ADAMTSL1: variants seen among roughly 807,000 people sequenced by gnomAD.
ADAMTSL1 encodes the protein ADAMTS like 1, also known as ADAMTS-like protein 1.
In ADAMTSL1, 126 loss-of-function variants were observed where a neutral mutation model predicts 201.8. The ratio of observed to expected loss-of-function variants is 0.62; its 90% CI spans 0.54 to 0.72. The LOEUF (loss-of-function observed/expected upper bound fraction) is 0.72. Among genes scored for constraint, ADAMTSL1 ranks in the 30% least tolerant of loss-of-function variants. The probability of loss-of-function intolerance (pLI) is 0.00; values close to 1 mark genes in which losing one functional copy is unlikely to be tolerated. For synonymous variants in ADAMTSL1, 1,121 were observed against 903.4 expected, an observed-to-expected ratio of 1.24 and a Z score of -4.32; for missense variants, 2,679 against 2,277.8, an observed-to-expected ratio of 1.18 and a Z score of -3.59.
intron 1 of ADAMTSL1, among the ~76,000 whole-genome samples, chr9:17,909,486 T>C (rs1825851070): frequency 1.0e-5 from 1 of 97,306 alleles, no homozygotes; most frequent in Non-Finnish European, 2.5e-5. Context: ...TCATCTTGAA[T>C]TGATTTTCGT....
chr9:18,494,347 C>CAAAAAAAAAAAAA (rs141208426), intron 1 of ADAMTSL1, among the ~76,000 whole-genome samples: 1 of 80,474 alleles, frequency 1.2e-5, no homozygotes. Flanking sequence ...CAGACTGTCT[C>CAAAAAAAAAAAAA]AAAAAAAAAA....
At chr9:18,422,468 AT>A (rs11299018) in intron 2 of ADAMTSL1, among the ~76,000 whole-genome samples, 14,357 of 151,660 alleles carry the variant, frequency 0.095, 1,963 homozygotes, top group African/African-American at 0.3. Context: ...TTTGTCATGC[AT>A]TTTTTTTGAA....
At chr9:18,684,843 T>A in intron 13 of ADAMTSL1, 43 bp downstream of exon 13, 1 of 1,558,064 alleles carries the variant, frequency 6.4e-7, no homozygotes, top group Non-Finnish European at 8.7e-7. Flanking sequence ...TGAAACTGTT[T>A]TGTTTAAAGA....
At chr9:18,266,952 G>C (rs1443771376) in intron 2 of ADAMTSL1, among the ~76,000 whole-genome samples, 2 of 152,122 alleles carry the variant, frequency 1.3e-5, no homozygotes, top group African/African-American at 2.4e-5. Context: ...AACCTCTTCA[G>C]TTTCTCACCT....
intron 4 of ADAMTSL1, among the ~76,000 whole-genome samples, chr9:18,620,733 G>C (rs1825985203): frequency 6.6e-6 from 1 of 152,066 alleles, no homozygotes. Context: ...GAACCCATAG[G>C]GATAGAGCCC....
chr9:18,596,149 A>G (rs1399807819), intron 4 of ADAMTSL1, among the ~76,000 whole-genome samples: 1 of 152,202 alleles, frequency 6.6e-6, no homozygotes, highest in Non-Finnish European at 1.5e-5. Flanking sequence ...TCTGAAGCCT[A>G]AGTGGGTTCA....
At chr9:18,471,030 C>G (rs1350956541), upstream of ADAMTSL1, among the ~76,000 whole-genome samples, 2 of 152,288 alleles carry the variant, frequency 1.3e-5, no homozygotes, top group African/African-American at 2.4e-5. Flanking sequence ...TGGCCTTTCC[C>G]CGGTTGCCAT....
intron 23 of ADAMTSL1, among the ~76,000 whole-genome samples, chr9:18,867,598 C>A (rs986079297): frequency 1.3e-5 from 2 of 152,108 alleles, no homozygotes; most frequent in African/African-American, 2.4e-5. Flanking sequence ...CTCAATGATT[C>A]TTTTAGGTAA....
chr9:18,053,131 T>C (rs1586953234), intron 1 of ADAMTSL1, among the ~76,000 whole-genome samples: 3 of 152,122 alleles, frequency 2.0e-5, no homozygotes, highest in East Asian at 3.8e-4. Flanking sequence ...TGTGGGAAAA[T>C]GAGATCTTTG....
At chr9:17,962,622 GTT>G (rs755811379) in intron 1 of ADAMTSL1, among the ~76,000 whole-genome samples, 1 of 152,170 alleles carries the variant, frequency 6.6e-6, no homozygotes, top group Non-Finnish European at 1.5e-5. Flanking sequence ...TGTGCTTCAA[GTT>G]CAGAACTAGC....
intron 1 of ADAMTSL1, among the ~76,000 whole-genome samples, chr9:17,928,321 C>T (rs1364717479): frequency 1.3e-5 from 2 of 152,134 alleles, no homozygotes; most frequent in Non-Finnish European, 2.9e-5. Flanking sequence ...ACAAGAAAAG[C>T]AGCACCTGCC....
rs150363220 is a variant in ADAMTSL1, at chr9:18,520,580, G to A, written c.192-12667G>A. Among the ~76,000 whole-genome samples the A allele has an allele frequency of 2.4e-3, 369 of 152,256 alleles. 3 individuals are homozygous for A. Among genetic ancestry groups the A allele is most frequent in the African/African-American group, 8.1e-3 (337 of 41,542 alleles). On this transcript the variant is annotated intron_variant, in intron 2 of 28. Transcript: ENST00000380548. ...CAGTTTAAAATTGCTTTGAGAATGC[G>A]GCTTTAAGGCTGACTTTTCTTTTGG... is the stretch of plus-strand genomic sequence containing the variant.
chr9:17,941,863 C>A (rs1827252625), intron 1 of ADAMTSL1, among the ~76,000 whole-genome samples: 1 of 151,968 alleles, frequency 6.6e-6, no homozygotes, highest in Non-Finnish European at 1.5e-5. Context: ...GGGTCTACTC[C>A]CTGCTTCATA....
At chr9:18,567,955 G>A (rs1050669820) in intron 3 of ADAMTSL1, among the ~76,000 whole-genome samples, 3 of 152,154 alleles carry the variant, frequency 2.0e-5, no homozygotes, top group Non-Finnish European at 2.9e-5. Context: ...TAACTATGCA[G>A]TTATAACTCT....
chr9:18,617,940 G>C (rs1825804294), intron 4 of ADAMTSL1, among the ~76,000 whole-genome samples: 1 of 152,160 alleles, frequency 6.6e-6, no homozygotes, highest in African/African-American at 2.4e-5. Flanking sequence ...AAAATATTCA[G>C]TTTTCCACTG....
At chr9:18,691,058 G>T (rs750595675) in intron 13 of ADAMTSL1, among the ~76,000 whole-genome samples, 1 of 152,174 alleles carries the variant, frequency 6.6e-6, no homozygotes, top group Non-Finnish European at 1.5e-5. Flanking sequence ...GTTGAGTACT[G>T]GTTGTCTATC....
intron 3 of ADAMTSL1, among the ~76,000 whole-genome samples, chr9:18,549,059 G>A (rs946638741): frequency 6.6e-6 from 1 of 151,868 alleles, no homozygotes; most frequent in Non-Finnish European, 1.5e-5. Flanking sequence ...ATGAGAAGGG[G>A]CAGAATTCCA....
intron 2 of ADAMTSL1, among the ~76,000 whole-genome samples, chr9:18,427,234 A>G (rs1269831335): frequency 6.6e-6 from 1 of 152,240 alleles, no homozygotes; most frequent in Non-Finnish European, 1.5e-5. Flanking sequence ...ATTATCAGCT[A>G]TAGTTAGAAA....
chr9:18,728,574 A>T (rs1199684662), intron 15 of ADAMTSL1, among the ~76,000 whole-genome samples: 1 of 152,204 alleles, frequency 6.6e-6, no homozygotes, highest in Non-Finnish European at 1.5e-5. Context: ...CAGTTAATAG[A>T]TGAAGAAGAT....
Sources: allele counts gnomAD v4.1 joint callset (sites outside exome capture counted in the v4.1 genomes callset), GRCh38; gene constraint gnomAD v4.1.1; transcripts MANE v1.5; gene names NCBI Gene and HGNC (gene_info 2026-07-23, HGNC 2026-07-21).